The following LYRM4 variants were observed in gnomAD, a reference collection of about 807,000 sequenced individuals.
LYRM4 encodes the protein LYR motif-containing protein 4.
In LYRM4, 9 loss-of-function variants were observed where a neutral mutation model predicts 11.7. The ratio of observed to expected loss-of-function variants is 0.77; its 90% CI spans 0.46 to 1.34. The LOEUF (loss-of-function observed/expected upper bound fraction) is 1.34, where lower values mean the gene tolerates loss of function less well. Among genes scored for constraint, LYRM4 ranks in the 40% most tolerant of loss-of-function variants. The probability of loss-of-function intolerance (pLI) is 0.00; values close to 1 mark genes in which losing one functional copy is unlikely to be tolerated. For synonymous variants in LYRM4, 42 were observed against 40.4 expected (o/e 1.04, Z -0.15); for missense variants, 133 against 112.5 (o/e 1.18, Z -0.82).
chr6:5,075,071 T>G, the LYRM4 span, among the ~76,000 whole-genome samples: 4 of 152,176 alleles, frequency 2.6e-5, no homozygotes, highest in Admixed American at 6.5e-5. Context: ...CCATGTGACC[T>G]GCTGGTGCCC....
chr6:5,178,614 G>A (rs193198482), intron 2 of LYRM4, among the ~76,000 whole-genome samples: 6 of 151,464 alleles, frequency 4.0e-5, no homozygotes, highest in African/African-American at 1.5e-4. Flanking sequence ...AGGAGTTTGA[G>A]ACCAGCCTGA....
At chr6:5,189,915 T>A (rs1242276358) in intron 2 of LYRM4, among the ~76,000 whole-genome samples, 1 of 152,216 alleles carries the variant, frequency 6.6e-6, no homozygotes, top group African/African-American at 2.4e-5. Context: ...GTTTTCCTGG[T>A]CTAGAAAAGT....
At chr6:5,122,243 G>T (rs2127603705) in intron 2 of LYRM4, among the ~76,000 whole-genome samples, 1 of 152,204 alleles carries the variant, frequency 6.6e-6, no homozygotes, top group East Asian at 1.9e-4. Flanking sequence ...TGCTTGGTTG[G>T]ACGGTACAGA....
intron 1 of LYRM4, among the ~76,000 whole-genome samples, chr6:5,245,782 T>TC (rs1764170414): frequency 6.6e-6 from 1 of 152,212 alleles, no homozygotes; most frequent in Non-Finnish European, 1.5e-5. Flanking sequence ...CTTACAGGAC[T>TC]GCAGAGTGCC....
At chr6:5,201,772 C>T (rs1411615705) in intron 2 of LYRM4, among the ~76,000 whole-genome samples, 3 of 152,138 alleles carry the variant, frequency 2.0e-5, no homozygotes, top group Admixed American at 6.6e-5. Flanking sequence ...GCCAAGGCTA[C>T]GAAAGTATAT....
the LYRM4 span, among the ~76,000 whole-genome samples, chr6:5,062,123 T>C: frequency 6.9e-6 from 1 of 145,190 alleles, no homozygotes; most frequent in Non-Finnish European, 1.5e-5. Flanking sequence ...CTCGCTCTGT[T>C]GCCCAGGCTA....
At chr6:5,048,204 T>C in the LYRM4 span, among the ~76,000 whole-genome samples, 2 of 152,184 alleles carry the variant, frequency 1.3e-5, no homozygotes, top group Non-Finnish European at 2.9e-5. Context: ...GTAGGAACTT[T>C]TCCATGTGAT....
chr6:5,197,237 G>A (rs1290594811), intron 2 of LYRM4, among the ~76,000 whole-genome samples: 1 of 152,182 alleles, frequency 6.6e-6, no homozygotes, highest in East Asian at 1.9e-4. Flanking sequence ...GGCAAGGAAG[G>A]TCTTCAAGAG....
the LYRM4 span, among the ~76,000 whole-genome samples, chr6:5,040,818 T>C: frequency 3.9e-5 from 6 of 152,024 alleles, no homozygotes; most frequent in South Asian, 4.2e-4. Flanking sequence ...ACCTAATTAA[T>C]AGAAGGATTA....
intron 1 of LYRM4, among the ~76,000 whole-genome samples, chr6:5,237,110 C>T (rs1293899470): frequency 1.3e-5 from 2 of 152,208 alleles, no homozygotes; most frequent in Non-Finnish European, 2.9e-5. Flanking sequence ...TGTAACTTCA[C>T]ATCCACTGGT....
At chr6:5,164,215 G>C (rs1486314591) in intron 2 of LYRM4, among the ~76,000 whole-genome samples, 1 of 152,158 alleles carries the variant, frequency 6.6e-6, no homozygotes, top group East Asian at 1.9e-4. Flanking sequence ...CAAAATCTAT[G>C]ATCTAGCAAT....
chr6:5,168,982 C>A (rs1332178393), intron 2 of LYRM4, among the ~76,000 whole-genome samples: 2 of 152,018 alleles, frequency 1.3e-5, no homozygotes, highest in East Asian at 3.8e-4. Flanking sequence ...AGCTGGTGAA[C>A]TGGGGAAGGT....
intron 2 of LYRM4, among the ~76,000 whole-genome samples, chr6:5,181,663 C>T (rs1760083138): frequency 6.6e-6 from 1 of 152,158 alleles, no homozygotes; most frequent in African/African-American, 2.4e-5. Context: ...TCCCACGGGC[C>T]ATGCTCAACT....
intron 1 of LYRM4, among the ~76,000 whole-genome samples, chr6:5,247,904 AATT>A (rs1463804458): frequency 6.6e-6 from 1 of 152,238 alleles, no homozygotes; most frequent in Non-Finnish European, 1.5e-5. Context: ...TTAATCGGCA[AATT>A]ATTAACATTA....
intron 2 of LYRM4, among the ~76,000 whole-genome samples, chr6:5,170,368 CAT>C (rs533129772): frequency 3.3e-5 from 5 of 151,152 alleles, no homozygotes; most frequent in Admixed American, 6.6e-5. Context: ...TGTATGTGCA[CAT>C]ATATATATAT....
chr6:5,234,242 C>T (rs1044733244), intron 1 of LYRM4, among the ~76,000 whole-genome samples: 1 of 152,174 alleles, frequency 6.6e-6, no homozygotes, highest in African/African-American at 2.4e-5. Flanking sequence ...ATTATTTATT[C>T]TGTTTGTGTT....
chr6:5,133,282 A>T (rs1764038421), intron 2 of LYRM4, among the ~76,000 whole-genome samples: 1 of 152,236 alleles, frequency 6.6e-6, no homozygotes, highest in African/African-American at 2.4e-5. Context: ...TTATTTTCTA[A>T]AAAAGGAGAG....
At chr6:5,175,850 G>A (rs1335898963) in intron 2 of LYRM4, among the ~76,000 whole-genome samples, 2 of 152,152 alleles carry the variant, frequency 1.3e-5, no homozygotes, top group Non-Finnish European at 2.9e-5. Flanking sequence ...ACCACGATGT[G>A]AGGAAGCCCC....
intron 1 of LYRM4, chr6:5,218,318 G>A: frequency 1.0e-6 from 1 of 984,952 alleles, no homozygotes; most frequent in Non-Finnish European, 1.2e-6. Context: ...GGAAATACAG[G>A]CAAAGAAATG....
Sources: allele counts gnomAD v4.1 joint callset (sites outside exome capture counted in the v4.1 genomes callset), GRCh38; gene constraint gnomAD v4.1.1; transcripts MANE v1.5; gene names NCBI Gene and HGNC (gene_info 2026-07-23, HGNC 2026-07-21).